CSMD1: variants seen among roughly 807,000 people sequenced by gnomAD.
CSMD1 encodes CUB and Sushi multiple domains 1.
CSMD1 carries 213 observed loss-of-function variants against 417.5 expected under a neutral mutation model. The observed-to-expected ratio is 0.51, with a 90% CI of 0.46 to 0.57. CSMD1 has a LOEUF of 0.57. Among genes scored for constraint, CSMD1 ranks in the 20% least tolerant of loss-of-function variants. The pLI is 0.00. For synonymous variants in CSMD1, 2,862 were observed against 1,736.8 expected (o/e 1.65, Z -16.11); for missense variants, 6,923 against 4,529.7 (o/e 1.53, Z -15.17).
intron 8 of CSMD1, among the ~76,000 whole-genome samples, chr8:3,610,290 T>C (rs755114241): frequency 6.6e-6 from 1 of 152,106 alleles, no homozygotes; most frequent in Non-Finnish European, 1.5e-5. Flanking sequence ...TCCAGCAATT[T>C]TGAATGTCAA....
chr8:3,343,251 G>T, intron 23 of CSMD1, 43 bp downstream of exon 23: 3 of 1,562,566 alleles, frequency 1.9e-6, no homozygotes, highest in Non-Finnish European at 2.6e-6. Context: ...GATATGTCCT[G>T]ACAAAATGAA....
intron 37 of CSMD1, among the ~76,000 whole-genome samples, chr8:3,166,444 G>C (rs759588095): frequency 6.6e-6 from 1 of 152,146 alleles, no homozygotes; most frequent in Non-Finnish European, 1.5e-5. Flanking sequence ...TGAGGCAGGA[G>C]AATCGCTTGA....
chr8:3,797,889 A>G lies in CSMD1; in HGVS notation c.819-43847T>C, dbSNP rs183386842. 3.9e-3 allele frequency among the ~76,000 whole-genome samples: 597 copies of G among 152,120 alleles called. 4 individuals are homozygous for G. Among genetic ancestry groups the G allele is most frequent in the Non-Finnish European group, 6.8e-3 (464 of 67,910 alleles). ...TATTCCCACAGTAAGTGAGCATGCA[A>G]GTTGTTACGCATCCCTGTCAACATT... is the stretch of plus-strand genomic sequence containing the variant. On this transcript the variant is annotated intron_variant, in intron 5 of 69. Transcript: ENST00000635120.
intron 43 of CSMD1, 63 bp downstream of exon 43, chr8:3,110,095 T>C (rs1245656638): frequency 1.7e-5 from 23 of 1,356,924 alleles, no homozygotes; most frequent in Middle Eastern, 2.5e-4. Flanking sequence ...AAGTGGCATA[T>C]GTATGCTAAG....
chr8:4,915,610 T>G (rs28595457), intron 1 of CSMD1, among the ~76,000 whole-genome samples: 1 of 152,020 alleles, frequency 6.6e-6, no homozygotes, highest in Non-Finnish European at 1.5e-5. Flanking sequence ...TTGCATCCGA[T>G]TGAACTCTGG....
chr8:4,428,209 T>A (rs1797675505), intron 2 of CSMD1, among the ~76,000 whole-genome samples: 2 of 152,176 alleles, frequency 1.3e-5, no homozygotes, highest in South Asian at 4.1e-4. Flanking sequence ...TTGTACTGTG[T>A]CCACTGAACC....
intron 4 of CSMD1, among the ~76,000 whole-genome samples, chr8:4,006,823 A>ATTTTTTTTTTTTTTTTTTTTTTTTTTTTT: frequency 1.0e-5 from 1 of 95,960 alleles, no homozygotes; most frequent in Non-Finnish European, 1.9e-5. Flanking sequence ...GACTTTTCCT[A>ATTTTTTTTTTTTTTTTTTTTTTTTTTTTT]TTTTTTTTTT....
intron 26 of CSMD1, among the ~76,000 whole-genome samples, chr8:3,248,950 C>A (rs989316096): frequency 6.6e-6 from 1 of 151,968 alleles, no homozygotes; most frequent in African/African-American, 2.4e-5. Flanking sequence ...AATTGTTCCC[C>A]GCACTCCACC....
At chr8:4,375,261 A>C (rs1802658308) in intron 3 of CSMD1, among the ~76,000 whole-genome samples, 1 of 152,186 alleles carries the variant, frequency 6.6e-6, no homozygotes, top group Admixed American at 6.5e-5. Flanking sequence ...GCAGTTGTCC[A>C]TAAACAGACT....
At chr8:4,576,170 G>A (rs1319460808) in intron 2 of CSMD1, among the ~76,000 whole-genome samples, 3 of 152,202 alleles carry the variant, frequency 2.0e-5, no homozygotes, top group Non-Finnish European at 2.9e-5. Flanking sequence ...GTCGAGTTAT[G>A]TGCACTAAGC....
chr8:3,889,175 G>A (rs983054492), intron 5 of CSMD1, among the ~76,000 whole-genome samples: 1 of 151,666 alleles, frequency 6.6e-6, no homozygotes, highest in Non-Finnish European at 1.5e-5. Context: ...GAAGTGTGAC[G>A]ATGCAAGATT....
intron 5 of CSMD1, among the ~76,000 whole-genome samples, chr8:3,877,418 C>T (rs903877566): frequency 2.6e-5 from 4 of 152,170 alleles, no homozygotes; most frequent in Non-Finnish European, 5.9e-5. Flanking sequence ...GGCTCAGAAG[C>T]GGAGTCTAGC....
chr8:4,183,472 A>G (rs1798490463), intron 3 of CSMD1, among the ~76,000 whole-genome samples: 1 of 152,216 alleles, frequency 6.6e-6, no homozygotes, highest in African/African-American at 2.4e-5. Context: ...ATGTTCTTCA[A>G]TTGGAGGTGA....
At chr8:4,804,928 G>T (rs1035521803) in intron 1 of CSMD1, among the ~76,000 whole-genome samples, 2 of 152,068 alleles carry the variant, frequency 1.3e-5, no homozygotes, top group African/African-American at 2.4e-5. Flanking sequence ...AACACTTAAA[G>T]CGGTTTACTT....
intron 3 of CSMD1, among the ~76,000 whole-genome samples, chr8:4,099,891 G>C (rs1390652834): frequency 6.6e-6 from 1 of 152,098 alleles, no homozygotes; most frequent in Non-Finnish European, 1.5e-5. Context: ...CTGGGAACCA[G>C]TTCAGACATG....
intron 12 of CSMD1, among the ~76,000 whole-genome samples, chr8:3,468,434 C>A (rs957546695): frequency 6.6e-6 from 1 of 152,212 alleles, no homozygotes; most frequent in Non-Finnish European, 1.5e-5. Flanking sequence ...AAGATCCCCA[C>A]ATATGCCCAC....
chr8:4,568,252 T>C (rs1204532949), intron 2 of CSMD1, among the ~76,000 whole-genome samples: 1 of 152,062 alleles, frequency 6.6e-6, no homozygotes, highest in Admixed American at 6.6e-5. Context: ...ACATTAGGGA[T>C]TTCCCCTAAT....
At chr8:3,429,810 TAC>T (rs769671733) in intron 12 of CSMD1, among the ~76,000 whole-genome samples, 5 of 152,130 alleles carry the variant, frequency 3.3e-5, no homozygotes, top group Non-Finnish European at 7.3e-5. Flanking sequence ...TATAATAAAT[TAC>T]AGATAGTCCC....
chr8:3,464,626 ATAGG>A (rs1344101927), intron 12 of CSMD1, among the ~76,000 whole-genome samples: 1 of 150,070 alleles, frequency 6.7e-6, no homozygotes, highest in Non-Finnish European at 1.5e-5. Context: ...ACAATTATAT[ATAGG>A]TAGAATCTAT....
Sources: gnomAD v4.1 joint callset for allele counts (sites outside exome capture counted in the v4.1 genomes callset) on GRCh38, gnomAD v4.1.1 for gene constraint, MANE v1.5 for transcripts, NCBI Gene and HGNC (gene_info 2026-07-23, HGNC 2026-07-21) for gene names.